SLC6A5: variants seen among roughly 807,000 people sequenced by gnomAD.
SLC6A5 encodes the protein sodium- and chloride-dependent glycine transporter 2.
A neutral mutation model predicts 90.5 loss-of-function variants in SLC6A5; 58 were observed. The ratio of observed to expected loss-of-function variants is 0.64; its 90% CI spans 0.52 to 0.80. SLC6A5 has a LOEUF of 0.80. Ranked by LOEUF, SLC6A5 falls within the 30% of genes least tolerant of loss-of-function variation. The pLI is 0.00. For synonymous variants in SLC6A5, 427 were observed against 401.4 expected, an observed-to-expected ratio of 1.06 and a Z score of -0.76; for missense variants, 1,015 against 1,017.6, an observed-to-expected ratio of 1.00 and a Z score of 0.03.
In SLC6A5 at chr11:20,604,543, G is replaced by C; in HGVS notation, c.679+119G>C. The C allele has an allele frequency of 3.9e-6, 5 of 1,267,658 alleles. No individual in the cohort carries two copies. The South Asian group carries it at 4.2e-5, about 11-fold the overall frequency. 78.5% of individuals were successfully genotyped at this position (1,267,658 alleles called of 1,614,324 possible). A position where few individuals can be genotyped will look rare whatever the true frequency, so the allele number is the denominator to read the frequency against. ...GGGAGGCTCAGGACAGCCTCCTTAG[G>C]CTCCAGCCCTACACCTCGTAGGCTT... is the stretch of plus-strand genomic sequence containing the variant. On this transcript the variant is annotated intron_variant, in intron 3 of 15. Coordinates refer to ENST00000525748, the MANE Select transcript of SLC6A5 (RefSeq NM_004211.5).
chr11:20,653,383 C>A (rs559998575), intron 15 of SLC6A5, among the ~76,000 whole-genome samples: 1 of 152,148 alleles, frequency 6.6e-6, no homozygotes, highest in Non-Finnish European at 1.5e-5. Context: ...CAAGCCCCCT[C>A]GTTAGCGAAG....
In SLC6A5 at chr11:20,646,738, A is replaced by G. The variant is rs1853422177; in HGVS notation, c.1970-96A>G. ...ACAGGGCTGGGGCCAGCCCTAGCCA[A>G]TGGTGCTTGAGTGAGGGGCTCTAGT... On this transcript the variant is annotated intron_variant, in intron 13 of 15. Transcript: ENST00000525748. 5 of 827,190 alleles carry G rather than the reference A, an allele frequency of 6.0e-6. No homozygotes were observed. The South Asian group carries it at 6.9e-5, about 11-fold the overall frequency. 51.2% of individuals were successfully genotyped at this position (827,190 alleles called of 1,614,324 possible).
chr11:20,646,689 C>T (rs1386302113), intron 13 of SLC6A5, 145 bp from the exon 14 acceptor site: 1 of 685,504 alleles, frequency 1.5e-6, no homozygotes, highest in South Asian at 1.6e-5. Flanking sequence ...TGATGGTTCC[C>T]TGCATAATAG....
chr11:20,624,802 C>T (rs12803296), intron 7 of SLC6A5, among the ~76,000 whole-genome samples: 34,455 of 152,102 alleles, frequency 0.23, 4,486 homozygotes, highest in Non-Finnish European at 0.3. Context: ...ACCTGTGAGT[C>T]GAGCGCTGTC....
chr11:20,657,755 C>T lies in SLC6A5; in HGVS notation c.*2887C>T, dbSNP rs963656210. The T allele has an allele frequency of 3.3e-5, 5 of 152,070 alleles. No individual in the cohort carries two copies. The highest frequency in any genetic ancestry group is 1.2e-4 in the African/African-American group (5 of 41,402). 9.4% of individuals were successfully genotyped at this position (152,070 alleles called of 1,614,324 possible). On this transcript the variant is annotated 3_prime_UTR_variant, in exon 16 of 16. Transcript: ENST00000525748. ...GCCAGAAACTCATTCAGAAAAAAAG[C>T]CATATGTGAAAAACAGTAATCCTGT...
intron 13 of SLC6A5, among the ~76,000 whole-genome samples, chr11:20,641,540 A>T (rs2133813796): frequency 6.6e-6 from 1 of 152,234 alleles, no homozygotes; most frequent in South Asian, 2.1e-4. Context: ...TACCCCTGAA[A>T]TCTGCAAATT....
chr11:20,647,954 C>G (rs1053643425), intron 14 of SLC6A5, among the ~76,000 whole-genome samples: 1 of 152,200 alleles, frequency 6.6e-6, no homozygotes, highest in African/African-American at 2.4e-5. Context: ...TCTTAAAGAT[C>G]AGAGCCTTTC....
intron 7 of SLC6A5, among the ~76,000 whole-genome samples, chr11:20,623,639 C>T (rs1194654261): frequency 6.6e-6 from 1 of 152,146 alleles, no homozygotes; most frequent in East Asian, 1.9e-4. Context: ...GAGAGCTCTG[C>T]CTGGCCCCAC....
At chr11:20,635,265 G>T (rs1342289010) in intron 10 of SLC6A5, among the ~76,000 whole-genome samples, 1 of 152,092 alleles carries the variant, frequency 6.6e-6, no homozygotes, top group Non-Finnish European at 1.5e-5. Flanking sequence ...TTTACAGATG[G>T]ACAAAATTGA....
chr11:20,637,312 C>T lies in SLC6A5; in HGVS notation c.1869+9C>T, dbSNP rs375829520. On this transcript the variant is annotated intron_variant, in intron 12 of 15. Coordinates refer to ENST00000525748, the MANE Select transcript of SLC6A5 (RefSeq NM_004211.5). ...TTCCAATGATCACTCAGGTAAGCTG[C>T]CTCCTAGGCACAGGCTTGGGGTGGG... 3.0e-5 allele frequency: 49 copies of T among 1,612,614 alleles called. No homozygotes were observed. Among genetic ancestry groups the T allele is most frequent in the African/African-American group, 4.0e-5 (3 of 74,846 alleles).
At chr11:20,600,635 A>G (rs1852452495) in intron 1 of SLC6A5, among the ~76,000 whole-genome samples, 2 of 152,310 alleles carry the variant, frequency 1.3e-5, no homozygotes, top group African/African-American at 2.4e-5. Flanking sequence ...GACTCAACCA[A>G]TTTGGCCTCA....
chr11:20,615,034 G>T (rs1852759922), intron 6 of SLC6A5, among the ~76,000 whole-genome samples: 1 of 152,262 alleles, frequency 6.6e-6, no homozygotes. Flanking sequence ...CAGAATCATT[G>T]CGGCTATAAT....
chr11:20,614,501 CAT>C (rs1200220509), intron 5 of SLC6A5, among the ~76,000 whole-genome samples, 176 bp from the exon 6 acceptor site: 1 of 152,218 alleles, frequency 6.6e-6, no homozygotes, highest in Non-Finnish European at 1.5e-5. Context: ...ATGGAGAAAA[CAT>C]AATTCTTTGG....
chr11:20,647,463 T>TTATATATATATCAGTTCCTATATATATA, intron 14 of SLC6A5, among the ~76,000 whole-genome samples: 1 of 142,554 alleles, frequency 7.0e-6, no homozygotes, highest in South Asian at 2.2e-4. Flanking sequence ...CTATATATAT[T>TTATATATATATCAGTTCCTATATATATA]TATATATATA....
rs1231563951 is a variant in SLC6A5, at chr11:20,633,686, T to C, written c.1625-2621T>C. ...AAGACTAATAATGGTCTATGTTTTCTGAGTTCATAGTATGTCCAGGCATTG... is the reference window on the plus strand; with the variant it reads ...AAGACTAATAATGGTCTATGTTTTCCGAGTTCATAGTATGTCCAGGCATTG... On this transcript the variant is annotated intron_variant, in intron 10 of 15. Coordinates refer to ENST00000525748, the MANE Select transcript of SLC6A5 (RefSeq NM_004211.5). Among the ~76,000 whole-genome samples, 3 of 152,352 alleles carry C rather than the reference T, an allele frequency of 2.0e-5. No homozygotes were observed. In the East Asian group the frequency reaches 5.8e-4, roughly 29 times the overall value.
rs768135536 is a variant in SLC6A5, at chr11:20,604,406, G to A, written c.661G>A (p.Ala221Thr). The change falls in exon 3 of 16, where the codon GCC becomes ACC. Residue 221 changes from alanine (A) to threonine (T), a missense_variant. By Grantham distance (58) the Ala-to-Thr change is moderately conservative. This residue lies in a region of SLC6A5 where 567 missense variants were observed against 507.3 expected (regional missense o/e 1.12). Transcript: ENST00000525748. Reference protein sequence around the residue: ...LGNVWRFPYLAFQNGGGAFLI... With the variant: ...LGNVWRFPYLTFQNGGGAFLI... The stretch of plus-strand genomic sequence containing the variant: ...CAATGTCTGGAGGTTTCCCTACCTG[G>A]CCTTCCAGAACGGGGGAGGTATGGC... 7.1e-5 allele frequency: 114 copies of A among 1,613,794 alleles called. No individual in the cohort carries two copies. The highest frequency in any genetic ancestry group is 9.5e-5 in the Non-Finnish European group (112 of 1,179,934).
In SLC6A5 at chr11:20,655,822, A is replaced by G. The variant is rs1853630960; in HGVS notation, c.*954A>G. 6.6e-6 allele frequency: 1 copy of G among 152,210 alleles called. No individual in the cohort carries two copies. Among genetic ancestry groups the G allele is most frequent in the Non-Finnish European group, 1.5e-5 (1 of 68,030 alleles). 9.4% of individuals were successfully genotyped at this position (152,210 alleles called of 1,614,324 possible). A position where few individuals can be genotyped will look rare whatever the true frequency, so the allele number is the denominator to read the frequency against. On this transcript the variant is annotated 3_prime_UTR_variant, in exon 16 of 16. Coordinates refer to ENST00000525748, the MANE Select transcript of SLC6A5 (RefSeq NM_004211.5). ...TCTGTCTATATATTATATATATAGGACACATGCTCTTAAAAGACAGATAAC... is the reference window on the plus strand; with the variant it reads ...TCTGTCTATATATTATATATATAGGGCACATGCTCTTAAAAGACAGATAAC...
chr11:20,599,655 C>G lies in SLC6A5; in HGVS notation c.-18C>G. The G allele has an allele frequency of 6.2e-7, 1 of 1,614,134 alleles. No individual in the cohort carries two copies. Among genetic ancestry groups the G allele is most frequent in the Non-Finnish European group, 8.5e-7 (1 of 1,180,024 alleles). On this transcript the variant is annotated 5_prime_UTR_variant, in exon 1 of 16. Transcript: ENST00000525748. ...GGGTTTCACCCTCCACCAGTTCAGT[C>G]TGTTGCCTGTGTCAGACATGGTGAG...
At chr11:20,653,786 C>T (rs1241163751) in intron 15 of SLC6A5, among the ~76,000 whole-genome samples, 1 of 152,166 alleles carries the variant, frequency 6.6e-6, no homozygotes, top group Non-Finnish European at 1.5e-5. Context: ...CACCAACTGA[C>T]CCAGAAATCT....
Sources: gnomAD v4.1 joint callset for allele counts (sites outside exome capture counted in the v4.1 genomes callset) on GRCh38, gnomAD v4.1.1 for gene constraint, gnomAD v4.1.1 regional missense constraint, MANE v1.5 for transcripts, NCBI Gene and HGNC (gene_info 2026-07-23, HGNC 2026-07-21) for gene names.